AP1AR: variants seen among roughly 807,000 people sequenced by gnomAD.
The protein encoded by AP1AR is adaptor related protein complex 1 associated regulatory protein.
AP1AR carries 29 observed loss-of-function variants against 46.3 expected under a neutral mutation model. The observed-to-expected ratio is 0.63, with a 90% confidence interval of 0.47 to 0.85. AP1AR has a LOEUF of 0.85. Among genes scored for constraint, AP1AR ranks in the 40% least tolerant of loss-of-function variants. AP1AR has a pLI of 0.00. For synonymous variants in AP1AR, 122 were observed against 122.9 expected (o/e 0.99, Z 0.05); for missense variants, 357 against 356.3 (o/e 1.00, Z -0.02).
At chr4:112,239,041 T>C (rs1310347553) in intron 1 of AP1AR, among the ~76,000 whole-genome samples, 1 of 152,184 alleles carries the variant, frequency 6.6e-6, no homozygotes, top group African/African-American at 2.4e-5. Context: ...AGTCCCTGCC[T>C]TCTGAGTGGC....
chr4:112,247,070 G>A (rs187015019), intron 1 of AP1AR, among the ~76,000 whole-genome samples: 41 of 152,238 alleles, frequency 2.7e-4, no homozygotes, highest in Non-Finnish European at 4.7e-4. Context: ...CCAGCTTACT[G>A]GGAGATAACT....
intron 2 of AP1AR, 30 bp from the exon 3 acceptor site, chr4:112,254,717 C>T: frequency 6.8e-7 from 1 of 1,459,982 alleles, no homozygotes; most frequent in African/African-American, 1.4e-5. Context: ...ACAAATATTC[C>T]TCTTAACGCT....
At chr4:112,260,911 A>C in intron 5 of AP1AR, 49 bp downstream of exon 5, 1 of 1,183,658 alleles carries the variant, frequency 8.4e-7, no homozygotes, top group Non-Finnish European at 1.2e-6. Context: ...TAAAGAGAGA[A>C]TTGTCATTAA....
At position 112,271,840 on chromosome 4, in the gene AP1AR, T is replaced by TTAAG. The variant is rs1446744400; in HGVS notation, c.*3433_*3436dup. 6.6e-6 allele frequency among the ~76,000 whole-genome samples: 1 copy of TTAAG among 152,174 alleles called. No individual in the cohort carries two copies. Among genetic ancestry groups the TTAAG allele is most frequent in the Non-Finnish European group, 1.5e-5 (1 of 68,042 alleles). ...GAGTCATTAGTAGGAAAATGGTATT[T>TTAAG]TAAGTCATTAAACCAGCTGAGTTCA... On this transcript the variant is annotated 3_prime_UTR_variant, in exon 10 of 10. Transcript: ENST00000274000.
At chr4:112,246,858 T>C (rs772980109) in intron 1 of AP1AR, among the ~76,000 whole-genome samples, 1 of 152,250 alleles carries the variant, frequency 6.6e-6, no homozygotes, top group Non-Finnish European at 1.5e-5. Flanking sequence ...AGAGTTTGGC[T>C]GAACTCTACC....
chr4:112,262,913 TAGA>T, intron 5 of AP1AR, 72 bp from the exon 6 acceptor site: 2 of 909,900 alleles, frequency 2.2e-6, no homozygotes, highest in East Asian at 2.5e-5. Flanking sequence ...GTTTTATAAA[TAGA>T]AGCATTTTAT....
rs1417215997 is a variant in AP1AR, at chr4:112,265,744, G to C, written c.451G>C (p.Glu151Gln). Residue 151 changes from glutamate to glutamine, a missense_variant, in exon 8 of 10, where the codon GAA becomes CAA. Transcript: ENST00000274000. ...NNGEYQSSGP[E>Q]DDFESCLRNM... ...TCACTTTTATTACAGTTCAGGACCA[G>C]AAGATGACTTCGAATCTTGTTTGAG... The C allele has an allele frequency of 1.4e-5, 23 of 1,609,250 alleles. No individual in the cohort carries two copies. The highest frequency in any genetic ancestry group is 2.0e-5 in the Non-Finnish European group (23 of 1,177,396).
intron 5 of AP1AR, among the ~76,000 whole-genome samples, chr4:112,261,605 T>A (rs953519579): frequency 1.1e-4 from 17 of 152,208 alleles, no homozygotes; most frequent in Non-Finnish European, 2.1e-4. Context: ...ATTATGGTTT[T>A]GCACCCACTA....
Position 112,234,872 on chromosome 4 carries a change from C to T in AP1AR, c.83+2698C>T, listed in dbSNP as rs567967723. 2.6e-5 allele frequency among the ~76,000 whole-genome samples: 4 copies of T among 152,194 alleles called. No homozygotes were observed. The East Asian group carries it at 7.7e-4, about 29-fold the overall frequency. ...ACAGGGAAGCCTTATGATCTAAGGC[C>T]TGGTTTCTGAGTCTTGCAGATTGAC... is the stretch of plus-strand genomic sequence containing the variant. On this transcript the variant is annotated intron_variant, in intron 1 of 9. Coordinates refer to ENST00000274000, the MANE Select transcript of AP1AR (RefSeq NM_018569.6).
intron 5 of AP1AR, among the ~76,000 whole-genome samples, chr4:112,261,765 T>G (rs1726452580): frequency 6.6e-6 from 1 of 151,946 alleles, no homozygotes; most frequent in Non-Finnish European, 1.5e-5. Flanking sequence ...GCCCAGGAAT[T>G]TGAGACCAGC....
chr4:112,231,894 G>A lies in AP1AR; in HGVS notation c.-198G>A. ...CTCGCGCAGCGGTGGCTCTGCGGCCGCTGGAGTAAACACTGCCTTTGTTCC... is the reference window on the plus strand; with the variant it reads ...CTCGCGCAGCGGTGGCTCTGCGGCCACTGGAGTAAACACTGCCTTTGTTCC... On this transcript the variant is annotated 5_prime_UTR_variant, in exon 1 of 10. Coordinates refer to ENST00000274000, the MANE Select transcript of AP1AR (RefSeq NM_018569.6). 2.4e-6 allele frequency: 1 copy of A among 418,482 alleles called. No homozygotes were observed. The highest frequency in any genetic ancestry group is 1.1e-4 in the South Asian group (1 of 9,420). The allele number at this position is 418,482 out of a possible 1,614,324, so 25.9% of individuals were successfully genotyped here. A position where few individuals can be genotyped will look rare whatever the true frequency, so the allele number is the denominator to read the frequency against.
chr4:112,249,031 G>T (rs574330398), intron 1 of AP1AR, among the ~76,000 whole-genome samples: 2 of 152,266 alleles, frequency 1.3e-5, no homozygotes, highest in South Asian at 4.1e-4. Flanking sequence ...GGTGGCTCAC[G>T]CCTGTAATCC....
chr4:112,232,078 C>A lies in AP1AR; in HGVS notation c.-14C>A. On this transcript the variant is annotated 5_prime_UTR_variant, in exon 1 of 10. The change creates a new upstream start codon in the 5' untranslated region. Coordinates refer to ENST00000274000, the MANE Select transcript of AP1AR (RefSeq NM_018569.6). ...GGAGGAGGAGGAGGAGCGGCGGCGC[C>A]TGGGCGGCATGCGATGGGGAACTGC... 7.4e-7 allele frequency: 1 copy of A among 1,351,342 alleles called. No homozygotes were observed. The highest frequency in any genetic ancestry group is 9.6e-7 in the Non-Finnish European group (1 of 1,043,480). The allele number at this position is 1,351,342 out of a possible 1,614,324, so 83.7% of individuals were successfully genotyped here. A position where few individuals can be genotyped will look rare whatever the true frequency, so the allele number is the denominator to read the frequency against.
At chr4:112,265,164 T>C in intron 7 of AP1AR, 97 bp downstream of exon 7, 2 of 834,644 alleles carry the variant, frequency 2.4e-6, no homozygotes, top group South Asian at 2.5e-5. Flanking sequence ...TACGCATTCA[T>C]GTTTATGTGT....
chr4:112,261,030 G>A (rs1314238662), intron 5 of AP1AR, among the ~76,000 whole-genome samples, 168 bp downstream of exon 5: 1 of 152,008 alleles, frequency 6.6e-6, no homozygotes, highest in Non-Finnish European at 1.5e-5. Flanking sequence ...TTTTAGTTTG[G>A]CTTAATTTAT....
At chr4:112,256,519 T>C (rs1726205170) in intron 3 of AP1AR, among the ~76,000 whole-genome samples, 1 of 152,184 alleles carries the variant, frequency 6.6e-6, no homozygotes, top group Admixed American at 6.5e-5. Context: ...TGGCTGAGGA[T>C]TTTTTAATTT....
intron 1 of AP1AR, among the ~76,000 whole-genome samples, chr4:112,236,508 G>T (rs1386589451): frequency 1.3e-5 from 2 of 150,984 alleles, no homozygotes; most frequent in Non-Finnish European, 2.9e-5. Context: ...TCAAGTGATT[G>T]TCTTGCCTCA....
At chr4:112,237,124 C>T (rs1018052806) in intron 1 of AP1AR, among the ~76,000 whole-genome samples, 2 of 152,032 alleles carry the variant, frequency 1.3e-5, no homozygotes, top group African/African-American at 2.4e-5. Flanking sequence ...TTTTGTTTCC[C>T]CAAGACGGAA....
chr4:112,232,524 G>A (rs1725059468), intron 1 of AP1AR, among the ~76,000 whole-genome samples: 1 of 152,226 alleles, frequency 6.6e-6, no homozygotes, highest in African/African-American at 2.4e-5. Context: ...ACCCTGCGCT[G>A]AGCTTAGGTT....
Sources: allele counts gnomAD v4.1 joint callset (sites outside exome capture counted in the v4.1 genomes callset), GRCh38; gene constraint gnomAD v4.1.1; transcripts MANE v1.5; gene names NCBI Gene and HGNC (gene_info 2026-07-23, HGNC 2026-07-21).